Variants in RGS7 observed in about 807,000 individuals in gnomAD.
The protein encoded by RGS7 is regulator of G-protein signaling 7.
A neutral mutation model predicts 81.1 loss-of-function variants in RGS7; 27 were observed. The observed-to-expected ratio is 0.33, with a 90% CI of 0.25 to 0.46. The LOEUF is 0.46. Among genes scored for constraint, RGS7 ranks in the 20% least tolerant of loss-of-function variants. The probability of loss-of-function intolerance (pLI) is 1.00; values close to 1 mark genes in which losing one functional copy is unlikely to be tolerated. For missense variants in RGS7, 396 were observed against 607.4 expected (o/e 0.65, Z 3.66); for synonymous variants, 208 against 207.7 (o/e 1.00, Z -0.01).
At chr1:240,907,747 G>A (rs1304068294) in intron 6 of RGS7, among the ~76,000 whole-genome samples, 20 of 152,110 alleles carry the variant, frequency 1.3e-4, no homozygotes, top group Admixed American at 1.2e-3. Context: ...AGTGAGCAAC[G>A]TTCTGTTTCC....
intron 2 of RGS7, among the ~76,000 whole-genome samples, chr1:241,203,265 G>A (rs1313789975): frequency 3.3e-5 from 5 of 151,708 alleles, no homozygotes; most frequent in South Asian, 2.1e-4. Flanking sequence ...ATGGAGTCTC[G>A]CTCTGTCACC....
chr1:241,038,505 A>T (rs1250372130), intron 3 of RGS7, among the ~76,000 whole-genome samples: 1 of 152,210 alleles, frequency 6.6e-6, no homozygotes, highest in Non-Finnish European at 1.5e-5. Flanking sequence ...AAGTATAGTT[A>T]ATAGAAAGTT....
intron 3 of RGS7, among the ~76,000 whole-genome samples, chr1:241,028,979 A>G (rs533668495): frequency 3.4e-4 from 52 of 152,292 alleles, no homozygotes; most frequent in African/African-American, 1.2e-3. Flanking sequence ...ATGAATGGTG[A>G]GAGGAAGAAA....
At chr1:240,824,569 G>A (rs1484140750) in intron 10 of RGS7, among the ~76,000 whole-genome samples, 3 of 152,252 alleles carry the variant, frequency 2.0e-5, no homozygotes, top group Non-Finnish European at 4.4e-5. Context: ...ATACAGAGCT[G>A]TGGACCCCTC....
At chr1:241,246,950 A>G (rs947400017) in intron 2 of RGS7, among the ~76,000 whole-genome samples, 1 of 152,036 alleles carries the variant, frequency 6.6e-6, no homozygotes, top group African/African-American at 2.4e-5. Context: ...AAGGGAAGGA[A>G]TTAGTTTAAC....
chr1:241,011,902 C>T, intron 3 of RGS7, among the ~76,000 whole-genome samples: 1 of 152,042 alleles, frequency 6.6e-6, no homozygotes, highest in Non-Finnish European at 1.5e-5. Flanking sequence ...TGGATGCATT[C>T]CTCCCCTTAC....
intron 3 of RGS7, among the ~76,000 whole-genome samples, chr1:241,076,653 T>C (rs769442134): frequency 2.0e-5 from 3 of 152,220 alleles, no homozygotes; most frequent in Non-Finnish European, 4.4e-5. Context: ...TTCATTCATT[T>C]AGATACAAAC....
chr1:241,289,990 TG>T (rs924997784), intron 2 of RGS7, among the ~76,000 whole-genome samples: 2 of 152,222 alleles, frequency 1.3e-5, no homozygotes, highest in African/African-American at 4.8e-5. Flanking sequence ...ACTTTCTTAT[TG>T]CTCTAAGACA....
At chr1:240,979,019 G>T (rs187125546) in intron 4 of RGS7, among the ~76,000 whole-genome samples, 1 of 152,088 alleles carries the variant, frequency 6.6e-6, no homozygotes, top group African/African-American at 2.4e-5. Flanking sequence ...CAACGAAATG[G>T]CAATGGCCCA....
chr1:241,261,387 G>A (rs999818584), intron 2 of RGS7, among the ~76,000 whole-genome samples: 25 of 151,842 alleles, frequency 1.6e-4, no homozygotes, highest in African/African-American at 4.6e-4. Flanking sequence ...TTGGGAGGCC[G>A]AGGCAGGTAG....
intron 2 of RGS7, among the ~76,000 whole-genome samples, chr1:241,266,766 G>A (rs540030156): frequency 6.6e-6 from 1 of 152,184 alleles, no homozygotes; most frequent in Non-Finnish European, 1.5e-5. Context: ...GCATTGGATA[G>A]AAACTTCAGG....
At chr1:241,176,631 A>G (rs1302428986) in intron 2 of RGS7, among the ~76,000 whole-genome samples, 21 of 152,144 alleles carry the variant, frequency 1.4e-4, no homozygotes, top group Admixed American at 1.4e-3. Flanking sequence ...ATTTTTACAT[A>G]AAGATGCTGC....
chr1:240,821,704 C>T (rs920875555), intron 10 of RGS7, among the ~76,000 whole-genome samples: 7 of 152,204 alleles, frequency 4.6e-5, no homozygotes, highest in African/African-American at 9.6e-5. Flanking sequence ...GCTAATTATA[C>T]ATTTGCTGTT....
chr1:240,866,378 G>A (rs1041526430), intron 9 of RGS7, among the ~76,000 whole-genome samples: 1 of 152,174 alleles, frequency 6.6e-6, no homozygotes, highest in South Asian at 2.1e-4. Context: ...AGGCATGGCG[G>A]TGGGCACCTG....
At chr1:241,204,392 T>A (rs1055853065) in intron 2 of RGS7, among the ~76,000 whole-genome samples, 2 of 152,298 alleles carry the variant, frequency 1.3e-5, no homozygotes, top group South Asian at 4.1e-4. Context: ...ATAGATAAGA[T>A]GTGGTGTGCA....
At chr1:240,819,711 C>T (rs1301457796) in intron 10 of RGS7, among the ~76,000 whole-genome samples, 1 of 152,184 alleles carries the variant, frequency 6.6e-6, no homozygotes, top group Non-Finnish European at 1.5e-5. Flanking sequence ...GCATTCCAGT[C>T]TGGCAACAGA....
intron 9 of RGS7, among the ~76,000 whole-genome samples, chr1:240,858,378 T>C (rs1044215405): frequency 1.5e-4 from 23 of 152,252 alleles, no homozygotes; most frequent in African/African-American, 5.3e-4. Flanking sequence ...GAGTTCCTGA[T>C]GTTCCACATC....
At chr1:241,117,701 G>T (rs1455488320) in intron 2 of RGS7, among the ~76,000 whole-genome samples, 3 of 152,140 alleles carry the variant, frequency 2.0e-5, no homozygotes, top group Admixed American at 1.3e-4. Context: ...GGCTTGAGTG[G>T]AAATAGAACA....
rs1025422838 is a variant in RGS7, at chr1:241,163,490, C to T, written c.79-64728G>A. ...GCCAGGCTTTCTCCAAGGGCCTCCC[C>T]TGTCCTCTTCCAGATCTAGGAAAGA... On this transcript the variant is annotated intron_variant, in intron 2 of 18. Transcript: ENST00000440928. This position sits in a 1 kb window ranked among gnomAD's most constrained non-coding sequence, Gnocchi z 4.6. Among the ~76,000 whole-genome samples, 3 of 152,170 alleles carry T rather than the reference C, an allele frequency of 2.0e-5. No homozygotes were observed. Among genetic ancestry groups the T allele is most frequent in the East Asian group, 3.8e-4 (2 of 5,202 alleles).
Sources: gnomAD v4.1 joint callset for allele counts (sites outside exome capture counted in the v4.1 genomes callset) on GRCh38, gnomAD v4.1.1 for gene constraint, Gnocchi (gnomAD v3.1) non-coding constraint, MANE v1.5 for transcripts, NCBI Gene and HGNC (gene_info 2026-07-23, HGNC 2026-07-21) for gene names.